CLHC1: variants seen among roughly 807,000 people sequenced by gnomAD.
The protein encoded by CLHC1 is clathrin heavy chain linker domain containing 1, also known as clathrin heavy chain linker domain-containing protein 1.
CLHC1 carries 72 observed loss-of-function variants against 69.5 expected under a neutral mutation model. That is an observed-to-expected ratio of 1.04 (90% CI 0.86 to 1.26). CLHC1 has a LOEUF of 1.26. Ranked by LOEUF, CLHC1 falls within the 50% of genes most tolerant of loss-of-function variation. The pLI, the probability that CLHC1 is intolerant of heterozygous loss-of-function variation, is 0.00. For synonymous variants in CLHC1, 223 were observed against 224.3 expected, an observed-to-expected ratio of 0.99 and a Z score of 0.05; for missense variants, 790 against 679.3, an observed-to-expected ratio of 1.16 and a Z score of -1.81.
chr2:55,177,906 G>C, intron 11 of CLHC1, 125 bp from the exon 12 acceptor site: 1 of 624,924 alleles, frequency 1.6e-6, no homozygotes, highest in Non-Finnish European at 2.6e-6. Context: ...AGCCCTCAAT[G>C]ACCCACTCCA....
rs11347337 is a variant in CLHC1, at chr2:55,172,701, TAAAA to T, written c.*3085_*3088del. On this transcript the variant is annotated 3_prime_UTR_variant, in exon 13 of 13. Coordinates refer to ENST00000401408, the MANE Select transcript of CLHC1 (RefSeq NM_152385.4). ...GAGCTTTCTATGAAATGTACAAAGT[TAAAA>T]AAAAAAAAAAAGGCCTCTGCTATGA... is the stretch of plus-strand genomic sequence containing the variant. Among the ~76,000 whole-genome samples the T allele has an allele frequency of 2.1e-5, 3 of 143,004 alleles. No homozygotes were observed. Among genetic ancestry groups the T allele is most frequent in the Non-Finnish European group, 1.5e-5 (1 of 65,370 alleles). The allele number at this position is 143,004 out of a possible 152,430, so 93.8% of individuals were successfully genotyped here.
chr2:55,196,255 C>G (rs566417152), intron 9 of CLHC1, among the ~76,000 whole-genome samples: 1 of 152,294 alleles, frequency 6.6e-6, no homozygotes, highest in South Asian at 2.1e-4. Context: ...GAAAGGCGGT[C>G]TGCACCACAA....
intron 3 of CLHC1, among the ~76,000 whole-genome samples, chr2:55,221,267 G>A (rs1190016883): frequency 2.0e-5 from 3 of 152,156 alleles, no homozygotes; most frequent in Non-Finnish European, 4.4e-5. Flanking sequence ...GGCATCTTCC[G>A]GGGATGGGGT....
At chr2:55,217,541 AAAAAAAAAAAAATATATATATATAT>A (rs1673652275) in intron 4 of CLHC1, among the ~76,000 whole-genome samples, 1 of 84,646 alleles carries the variant, frequency 1.2e-5, no homozygotes, top group Non-Finnish European at 2.2e-5. Context: ...AAAAAAAAAA[AAAAAAAAAAAAATATATATATATAT>A]ATATATATAT....
chr2:55,209,189 G>A (rs1031706491), intron 7 of CLHC1, among the ~76,000 whole-genome samples: 1 of 151,818 alleles, frequency 6.6e-6, no homozygotes, highest in Non-Finnish European at 1.5e-5. Flanking sequence ...TTATTTTGAT[G>A]TACATTTTCA....
chr2:55,218,382 C>T (rs1437392), intron 3 of CLHC1: 146,428 of 153,992 alleles, frequency 0.95, 69,716 homozygotes, highest in Admixed American at 0.98. Flanking sequence ...TCTAACTTCA[C>T]TTAAACCTTA....
intron 2 of CLHC1, among the ~76,000 whole-genome samples, chr2:55,223,438 G>C (rs911472386): frequency 6.6e-6 from 1 of 152,088 alleles, no homozygotes; most frequent in Non-Finnish European, 1.5e-5. Flanking sequence ...TGGCGGGGGC[G>C]AGCGCGCTGT....
At chr2:55,180,901 T>C (rs979917871) in intron 10 of CLHC1, among the ~76,000 whole-genome samples, 189 bp from the exon 11 acceptor site, 1 of 152,122 alleles carries the variant, frequency 6.6e-6, no homozygotes, top group African/African-American at 2.4e-5. Context: ...ACCCCGATAA[T>C]AGTCAATATG....
At position 55,206,354 on chromosome 2, in the gene CLHC1, C is replaced by G. The variant is rs1672443994; in HGVS notation, c.922G>C (p.Gly308Arg). The G allele has an allele frequency of 6.2e-7, 1 of 1,604,392 alleles. No homozygotes were observed. The highest frequency in any genetic ancestry group is 8.5e-7 in the Non-Finnish European group (1 of 1,172,074). ...IERFNELISLGEYEKAACYAA... is the reference protein window; with the variant it reads ...IERFNELISLREYEKAACYAA... ...TAACAAGCTGCCTTTTCATATTCAC[C>G]AAGTGAGATTAACTCATTAAACCTA... Residue 308 changes from glycine to arginine, a missense_variant, in exon 9 of 13, where the codon GGT becomes CGT. By Grantham distance (125) the Gly-to-Arg change is moderately radical (BLOSUM62 -2). Coordinates refer to ENST00000401408, the MANE Select transcript of CLHC1 (RefSeq NM_152385.4).
chr2:55,181,300 T>C (rs1322588805), intron 10 of CLHC1, among the ~76,000 whole-genome samples: 1 of 152,046 alleles, frequency 6.6e-6, no homozygotes, highest in African/African-American at 2.4e-5. Flanking sequence ...GGCTAATTTT[T>C]GTATTTTCAG....
intron 9 of CLHC1, among the ~76,000 whole-genome samples, chr2:55,190,135 C>G (rs1670780554): frequency 6.6e-6 from 1 of 152,030 alleles, no homozygotes; most frequent in African/African-American, 2.4e-5. Context: ...AGCTCTGCCT[C>G]CCAGGTTCAC....
intron 5 of CLHC1, among the ~76,000 whole-genome samples, chr2:55,210,199 T>C (rs915034393): frequency 6.6e-6 from 1 of 151,594 alleles, no homozygotes; most frequent in East Asian, 1.9e-4. Flanking sequence ...ATTTTATTTT[T>C]ATTTTTATTT....
chr2:55,226,366 T>C (rs1330103890), intron 2 of CLHC1, among the ~76,000 whole-genome samples: 1 of 152,158 alleles, frequency 6.6e-6, no homozygotes. Flanking sequence ...TACAGAAGCA[T>C]ACTCCTGGTA....
intron 2 of CLHC1, among the ~76,000 whole-genome samples, chr2:55,226,160 CCAG>C (rs1257783843): frequency 4.0e-5 from 6 of 150,100 alleles, no homozygotes; most frequent in Non-Finnish European, 7.4e-5. Context: ...CCACTGCACT[CCAG>C]CCTGGGCAAC....
chr2:55,177,498 G>A (rs1158687873), intron 12 of CLHC1, 104 bp downstream of exon 12: 9 of 684,326 alleles, frequency 1.3e-5, no homozygotes, highest in Non-Finnish European at 1.9e-5. Context: ...CTCTTGCTAA[G>A]AAGGAACTCT....
In CLHC1 at chr2:55,175,950, C is replaced by G; in HGVS notation, c.1601G>C (p.Cys534Ser). The change falls in exon 13 of 13, where the codon TGC (cysteine) becomes TCC (serine). Residue 534 changes from cysteine to serine, a missense_variant. Coordinates refer to ENST00000401408, the MANE Select transcript of CLHC1 (RefSeq NM_152385.4). ...CACTTCTTGCCACTTTTCTATGGAG[C>G]AAAAGGAATCATTTATCATAAGACT... ...VESLMINDSF[C>S]SIEKWQEVAN... 1 of 1,613,870 alleles carries G rather than the reference C, an allele frequency of 6.2e-7. No homozygotes were observed. Among genetic ancestry groups the G allele is most frequent in the Non-Finnish European group, 8.5e-7 (1 of 1,179,882 alleles).
At chr2:55,207,300 A>G (rs1273431412) in intron 8 of CLHC1, among the ~76,000 whole-genome samples, 1 of 152,180 alleles carries the variant, frequency 6.6e-6, no homozygotes, top group Non-Finnish European at 1.5e-5. Flanking sequence ...ATCAGTCCTT[A>G]CCTCACAATT....
intron 1 of CLHC1, among the ~76,000 whole-genome samples, chr2:55,228,846 A>G (rs535470677): frequency 6.6e-6 from 1 of 152,294 alleles, no homozygotes; most frequent in South Asian, 2.1e-4. Context: ...GTAGAAACAG[A>G]CAACACACAA....
At chr2:55,223,280 A>G (rs1473965489) in intron 2 of CLHC1, among the ~76,000 whole-genome samples, 1 of 152,120 alleles carries the variant, frequency 6.6e-6, no homozygotes, top group Admixed American at 6.5e-5. Context: ...TCTCATCTTT[A>G]ATATTAAAGT....
Sources: allele counts gnomAD v4.1 joint callset (sites outside exome capture counted in the v4.1 genomes callset), GRCh38; gene constraint gnomAD v4.1.1; transcripts MANE v1.5; gene names NCBI Gene and HGNC (gene_info 2026-07-23, HGNC 2026-07-21).